The following PIGG variants were observed in gnomAD, a reference collection of about 807,000 sequenced individuals.
PIGG encodes the protein GPI ethanolamine phosphate transferase 2, catalytic subunit.
A neutral mutation model predicts 83.2 loss-of-function variants in PIGG; 70 were observed. The observed-to-expected ratio is 0.84, with a 90% CI of 0.69 to 1.03. The LOEUF is 1.03. Ranked by LOEUF, PIGG falls within the 50% of genes least tolerant of loss-of-function variation. The pLI is 0.00. For missense variants in PIGG, 1,257 were observed against 1,233.6 expected, an observed-to-expected ratio of 1.02 and a Z score of -0.28; for synonymous variants, 532 against 519.5, an observed-to-expected ratio of 1.02 and a Z score of -0.33.
chr4:500,108 A>C (rs1273901808), intron 1 of PIGG: 6 of 375,558 alleles, frequency 1.6e-5, no homozygotes, highest in Admixed American at 4.3e-5. Context: ...AGCTCCCTAA[A>C]TGTCCCATTC....
In PIGG at chr4:539,268, T is replaced by C; in HGVS notation, c.2851T>C (p.Phe951Leu). The C allele has an allele frequency of 6.2e-7, 1 of 1,613,194 alleles. No homozygotes were observed. Among genetic ancestry groups the C allele is most frequent in the Non-Finnish European group, 8.5e-7 (1 of 1,179,132 alleles). ...LRYHLFIWSV[F>L]SPKLLYEGMH... Reference sequence around the variant, plus strand: ...TTATCATTTATTTATATGGAGTGTATTTTCTCCAAAACTTCTCTACGAGGG... The same window carrying C: ...TTATCATTTATTTATATGGAGTGTACTTTCTCCAAAACTTCTCTACGAGGG... The change falls in exon 13 of 13, where the codon TTT (phenylalanine) becomes CTT (leucine). Residue 951 changes from phenylalanine to leucine, a missense_variant. Transcript: ENST00000453061.
chr4:530,295 G>A (rs1223972682), intron 10 of PIGG, 141 bp from the exon 11 acceptor site: 1 of 638,346 alleles, frequency 1.6e-6, no homozygotes, highest in Non-Finnish European at 2.7e-6. Flanking sequence ...TGGGGGGTAG[G>A]GAGGGTGCCG....
rs1728287181 is a variant in PIGG at position 528,583 on chromosome 4, G to A, written c.2261+1353G>A. ...GGGGCAGAGAGGATGCTGACGTGCA[G>A]GTACCAGCGGTGTTCTGTGGAGATG... On this transcript the variant is annotated intron_variant, in intron 10 of 12. Coordinates refer to ENST00000453061, the MANE Select transcript of PIGG (RefSeq NM_001127178.3). The surrounding 1 kb of genome is among the most constrained non-coding windows in gnomAD (Gnocchi z 4.8). 1.0e-6 allele frequency: 1 copy of A among 985,408 alleles called. No homozygotes were observed. Among genetic ancestry groups the A allele is most frequent in the Non-Finnish European group, 1.2e-6 (1 of 829,916 alleles). 61.0% of individuals were successfully genotyped at this position (985,408 alleles called of 1,614,324 possible).
chr4:527,813 G>A, intron 10 of PIGG: 1 of 985,410 alleles, frequency 1.0e-6, no homozygotes, highest in Non-Finnish European at 1.2e-6. Context: ...TTTTAATTGT[G>A]TTGTGGTGGT....
At chr4:504,913 T>C (rs1719060706) in intron 2 of PIGG, among the ~76,000 whole-genome samples, 1 of 152,202 alleles carries the variant, frequency 6.6e-6, no homozygotes, top group Non-Finnish European at 1.5e-5. Flanking sequence ...ACTATCCCAG[T>C]GGCCTCCCTG....
chr4:516,887 A>G (rs1411570258), intron 6 of PIGG, among the ~76,000 whole-genome samples: 1 of 151,170 alleles, frequency 6.6e-6, no homozygotes, highest in African/African-American at 2.4e-5. Flanking sequence ...AAGAAGGAAT[A>G]AACAGGCGTG....
chr4:531,438 C>T (rs1729042497), intron 11 of PIGG: 1 of 153,346 alleles, frequency 6.5e-6, no homozygotes, highest in African/African-American at 2.4e-5. Context: ...GTCGTGGTTG[C>T]ATTTTGGTCT....
At chr4:523,326 G>T (rs912486755) in intron 8 of PIGG, 133 bp from the exon 9 acceptor site, 21 of 716,318 alleles carry the variant, frequency 2.9e-5, no homozygotes, top group Non-Finnish European at 5.1e-5. Context: ...CCAGAGTAGG[G>T]GCCCAGGTGC....
chr4:505,733 A>G lies in PIGG; in HGVS notation c.376A>G (p.Ser126Gly). Residue 126 changes from serine to glycine, a missense_variant, in exon 3 of 13, where the codon AGC (serine) becomes GGC (glycine). Coordinates refer to ENST00000453061, the MANE Select transcript of PIGG (RefSeq NM_001127178.3). ...MPRIKALMTG[S>G]LPGFVDVIRN... ...CTGACTGCAGGCATTGATGACGGGG[A>G]GCCTTCCTGGCTTTGTCGACGTCAT... The G allele has an allele frequency of 6.2e-7, 1 of 1,612,486 alleles. No homozygotes were observed. The highest frequency in any genetic ancestry group is 8.5e-7 in the Non-Finnish European group (1 of 1,179,494).
chr4:508,884 C>G lies in PIGG; in HGVS notation c.815C>G (p.Ser272Cys). ...GTTCTTTGTGGTGACCATGGCATGT[C>G]TGAAACAGGAAGTCACGGGGCCTCC... ...LLVLCGDHGM[S>C]ETGSHGASST... The change falls in exon 5 of 13, where the codon TCT becomes TGT. Residue 272 changes from serine (S) to cysteine (C), a missense_variant. Physicochemically the swap from Ser to Cys is moderately radical, Grantham distance 112. Transcript: ENST00000453061. 6.2e-7 allele frequency: 1 copy of G among 1,613,700 alleles called. No homozygotes were observed. Among genetic ancestry groups the G allele is most frequent in the Non-Finnish European group, 8.5e-7 (1 of 1,179,652 alleles).
chr4:507,614 C>T, intron 4 of PIGG, 21 bp downstream of exon 4: 1 of 1,594,218 alleles, frequency 6.3e-7, no homozygotes, highest in Non-Finnish European at 8.6e-7. Context: ...CCGTCGCTCA[C>T]TGTCTGCTGA....
Position 526,502 on chromosome 4 carries a change from T to A in PIGG, c.2070-537T>A, listed in dbSNP as rs182142505. The stretch of plus-strand genomic sequence containing the variant: ...CAGGAGCGGGTGACAGCAGACCCTG[T>A]GAGGCCATGTGGGTCTAGGGACGTA... On this transcript the variant is annotated intron_variant, in intron 9 of 12. Transcript: ENST00000453061. 4.7e-3 allele frequency among the ~76,000 whole-genome samples: 712 copies of A among 152,124 alleles called. 7 individuals carry two copies. Among genetic ancestry groups the A allele is most frequent in the African/African-American group, 0.016 (675 of 41,372 alleles).
chr4:499,370 G>C lies in PIGG; in HGVS notation c.35G>C (p.Cys12Ser), dbSNP rs1289974701. The change falls in exon 1 of 13, where the codon TGC becomes TCC. Residue 12 changes from cysteine (C) to serine (S), a missense_variant. Coordinates refer to ENST00000453061, the MANE Select transcript of PIGG (RefSeq NM_001127178.3). ...GGCTCCGGGACTTTCGCTACCTGTT[G>C]CGTAGCGATCGAGGTGCTAGGGATC... ...RLGSGTFATCCVAIEVLGIAV... is the reference protein window; with the variant it reads ...RLGSGTFATCSVAIEVLGIAV... 2 of 1,609,978 alleles carry C rather than the reference G, an allele frequency of 1.2e-6. No homozygotes were observed. Among genetic ancestry groups the C allele is most frequent in the Non-Finnish European group, 1.7e-6 (2 of 1,179,900 alleles).
At chr4:536,583 G>A (rs1730675506) in intron 12 of PIGG, 2 of 152,232 alleles carry the variant, frequency 1.3e-5, no homozygotes, top group African/African-American at 4.8e-5. Context: ...ACCCCTGCTC[G>A]GCGTCCGCCT....
chr4:503,845 T>TACACAC (rs56841358), intron 2 of PIGG, among the ~76,000 whole-genome samples: 3,611 of 145,662 alleles, frequency 0.025, 108 homozygotes, highest in African/African-American at 0.077. Context: ...TGTGATTTTA[T>TACACAC]ACACACACAC....
Position 530,458 on chromosome 4 carries a change from G to T in PIGG, c.2284G>T (p.Val762Phe). 6.2e-7 allele frequency: 1 copy of T among 1,613,134 alleles called. No homozygotes were observed. Among genetic ancestry groups the T allele is most frequent in the Non-Finnish European group, 8.5e-7 (1 of 1,179,228 alleles). ...ISKGIIEARF[V>F]YVFVLGILFT... ...TAGGGGTATTATTGAAGCTCGTTTT[G>T]TTTATGTCTTTGTCCTTGGCATTCT... The change falls in exon 11 of 13, where the codon GTT (valine) becomes TTT (phenylalanine). Residue 762 changes from valine (V) to phenylalanine (F), a missense_variant. Val to Phe is a conservative substitution (Grantham distance 50, BLOSUM62 -1). Coordinates refer to ENST00000453061, the MANE Select transcript of PIGG (RefSeq NM_001127178.3).
At position 507,563 on chromosome 4, in the gene PIGG, G is replaced by A; in HGVS notation, c.729G>A (p.Leu243=). The change falls in exon 4 of 13, where the codon CTG becomes CTA. Residue 243 remains leucine, a synonymous_variant. Transcript: ENST00000453061. ...GQKLSEMDSV[L]MKIHTSLQSK... ...AGCTGAGCGAGATGGACAGCGTGCT[G>A]ATGAAGATCCACACCTCACTGCAGT... 1 of 1,613,148 alleles carries A rather than the reference G, an allele frequency of 6.2e-7. No homozygotes were observed. Among genetic ancestry groups the A allele is most frequent in the Non-Finnish European group, 8.5e-7 (1 of 1,179,712 alleles).
At chr4:521,533 T>G (rs1007990616) in intron 7 of PIGG, 127 bp from the exon 8 acceptor site, 3 of 928,694 alleles carry the variant, frequency 3.2e-6, no homozygotes, top group Non-Finnish European at 4.8e-6. Context: ...AGGAATCATC[T>G]TTTCCTGAGC....
chr4:523,509 G>T lies in PIGG; in HGVS notation c.1665G>T (p.Leu555=). The change falls in exon 9 of 13, where the codon CTG becomes CTT. Residue 555 remains leucine (L), a synonymous_variant. Transcript: ENST00000453061. ...GGTCAGAGCTAGACCTTCTTATTCTGTTGGGGACGGCGGGCCACGTCTTGA... is the reference window on the plus strand; with the variant it reads ...GGTCAGAGCTAGACCTTCTTATTCTTTTGGGGACGGCGGGCCACGTCTTGA... ...SRWSELDLLI[L]LGTAGHVLSL... 1 of 1,614,188 alleles carries T rather than the reference G, an allele frequency of 6.2e-7. No homozygotes were observed. The highest frequency in any genetic ancestry group is 8.5e-7 in the Non-Finnish European group (1 of 1,180,040).
Sources: gnomAD v4.1 joint callset for allele counts (sites outside exome capture counted in the v4.1 genomes callset) on GRCh38, gnomAD v4.1.1 for gene constraint, Gnocchi (gnomAD v3.1) non-coding constraint, MANE v1.5 for transcripts, NCBI Gene and HGNC (gene_info 2026-07-23, HGNC 2026-07-21) for gene names.